CDH8: variants seen among roughly 807,000 people sequenced by gnomAD.
CDH8 encodes the protein cadherin 8.
CDH8 carries 17 observed loss-of-function variants against 68.1 expected under a neutral mutation model. The observed-to-expected ratio is 0.25, with a 90% CI of 0.17 to 0.37. The LOEUF (loss-of-function observed/expected upper bound fraction) is 0.37. CDH8 is among the 10% of genes least tolerant of loss of function. The probability of loss-of-function intolerance (pLI) is 1.00; values close to 1 mark genes in which losing one functional copy is unlikely to be tolerated. For synonymous variants in CDH8, 372 were observed against 365.1 expected, an observed-to-expected ratio of 1.02 and a Z score of -0.21; for missense variants, 763 against 999.3, an observed-to-expected ratio of 0.76 and a Z score of 3.19.
At chr16:61,753,254 A>G (rs1475505028) in intron 8 of CDH8, among the ~76,000 whole-genome samples, 1 of 101,576 alleles carries the variant, frequency 9.8e-6, no homozygotes, top group Admixed American at 9.2e-5. Context: ...TTTTTTTTTT[A>G]ATTGAGATAT....
At chr16:61,813,018 G>T (rs1053809091) in intron 7 of CDH8, among the ~76,000 whole-genome samples, 1 of 152,078 alleles carries the variant, frequency 6.6e-6, no homozygotes, top group Non-Finnish European at 1.5e-5. Flanking sequence ...AAATAACATT[G>T]TTTTCTCCTT....
chr16:61,719,037 T>C (rs1358258788), intron 9 of CDH8, among the ~76,000 whole-genome samples: 8 of 151,276 alleles, frequency 5.3e-5, no homozygotes, highest in Admixed American at 5.3e-4. Context: ...TCAAAATATA[T>C]TGTCTGGATA....
chr16:61,822,559 C>G (rs1453191155), intron 5 of CDH8, among the ~76,000 whole-genome samples: 1 of 151,772 alleles, frequency 6.6e-6, no homozygotes, highest in Non-Finnish European at 1.5e-5. Context: ...TCTTCTAGCA[C>G]TAACACCCCT....
rs776170576 is a variant in CDH8 at position 62,021,334 on chromosome 16, G to A, written c.70C>T (p.Pro24Ser). 44 of 1,613,882 alleles carry A rather than the reference G, an allele frequency of 2.7e-5. No individual in the cohort carries two copies. Among genetic ancestry groups the A allele is most frequent in the Non-Finnish European group, 3.4e-5 (40 of 1,179,930 alleles). The change falls in exon 2 of 12, where the codon CCC becomes TCC. Residue 24 changes from proline to serine, a missense_variant. This residue lies in a region of CDH8 where 366 missense variants were observed against 563.1 expected (regional missense o/e 0.65). Coordinates refer to ENST00000577390, the MANE Select transcript of CDH8 (RefSeq NM_001796.5). ...ATCGGAGCCATGTAAATGCAAGGGG[G>A]AAGAGTAATCCATAATATTATTAAT... ...TPLIILWITL[P>S]PCIYMAPMNQ...
At chr16:61,744,436 T>C (rs1959961556) in intron 8 of CDH8, among the ~76,000 whole-genome samples, 1 of 152,102 alleles carries the variant, frequency 6.6e-6, no homozygotes, top group Non-Finnish European at 1.5e-5. Context: ...TCAGATCTTG[T>C]TTCAATCATC....
intron 2 of CDH8, among the ~76,000 whole-genome samples, chr16:61,919,043 C>G (rs1964310578): frequency 6.8e-6 from 1 of 147,180 alleles, no homozygotes; most frequent in Non-Finnish European, 1.5e-5. Flanking sequence ...AGGCACCCCC[C>G]AGCAGGGGCA....
chr16:61,862,171 T>C (rs1195658663), intron 3 of CDH8, among the ~76,000 whole-genome samples: 4 of 148,456 alleles, frequency 2.7e-5, no homozygotes, highest in African/African-American at 9.9e-5. Context: ...ACACACACAG[T>C]ATCTCATTAT....
intron 2 of CDH8, among the ~76,000 whole-genome samples, chr16:62,006,967 G>A (rs983967358): frequency 2.0e-5 from 3 of 151,246 alleles, no homozygotes; most frequent in African/African-American, 7.3e-5. Flanking sequence ...GAGTACAGTG[G>A]CACAATCTTG....
chr16:61,662,280 G>T (rs1963582501), intron 10 of CDH8, among the ~76,000 whole-genome samples: 1 of 151,326 alleles, frequency 6.6e-6, no homozygotes, highest in Non-Finnish European at 1.5e-5. Context: ...TCATCTTCTT[G>T]TCTCTGAATC....
At chr16:62,015,864 C>T (rs1402031399) in intron 2 of CDH8, among the ~76,000 whole-genome samples, 1 of 152,090 alleles carries the variant, frequency 6.6e-6, no homozygotes, top group Non-Finnish European at 1.5e-5. Context: ...CTCACCAGAA[C>T]CAACCATGCT....
intron 8 of CDH8, among the ~76,000 whole-genome samples, chr16:61,759,743 T>C (rs1226199131): frequency 2.6e-5 from 4 of 152,170 alleles, no homozygotes; most frequent in Non-Finnish European, 2.9e-5. Context: ...GTGTTTTTAG[T>C]AGGAATGCAA....
intron 9 of CDH8, among the ~76,000 whole-genome samples, chr16:61,719,668 T>C (rs1360168760): frequency 1.3e-5 from 2 of 150,994 alleles, no homozygotes; most frequent in East Asian, 1.9e-4. Context: ...TTCTTTACCA[T>C]GACTCTATTG....
chr16:61,782,986 A>G (rs1235235986), intron 8 of CDH8, among the ~76,000 whole-genome samples: 1 of 151,204 alleles, frequency 6.6e-6, no homozygotes, highest in Non-Finnish European at 1.5e-5. Flanking sequence ...AAAGATGGGG[A>G]AAAAACAGAA....
chr16:61,910,485 G>C (rs1481070158), intron 2 of CDH8, among the ~76,000 whole-genome samples: 2 of 152,072 alleles, frequency 1.3e-5, no homozygotes, highest in Non-Finnish European at 2.9e-5. Flanking sequence ...AAAGTGTTCA[G>C]ACTGTGGGAT....
chr16:61,718,580 A>G (rs1434256174), intron 9 of CDH8, among the ~76,000 whole-genome samples: 1 of 151,344 alleles, frequency 6.6e-6, no homozygotes, highest in South Asian at 2.1e-4. Flanking sequence ...TTGGCTTTCT[A>G]TTAATTCTAT....
rs188565798 is a variant in CDH8, at chr16:61,974,465, A to C, written c.252+46687T>G. Among the ~76,000 whole-genome samples the C allele has an allele frequency of 3.8e-3, 575 of 152,280 alleles. 5 individuals are homozygous for C. The highest frequency in any genetic ancestry group is 0.013 in the African/African-American group (551 of 41,560). The stretch of plus-strand genomic sequence containing the variant: ...CACTAATGTAAGCAGGGATGCAATG[A>C]GTGCCATGAAATCCAAGACATCCAG... On this transcript the variant is annotated intron_variant, in intron 2 of 11. Coordinates refer to ENST00000577390, the MANE Select transcript of CDH8 (RefSeq NM_001796.5).
At chr16:61,776,396 C>A (rs2142991240) in intron 8 of CDH8, among the ~76,000 whole-genome samples, 1 of 151,916 alleles carries the variant, frequency 6.6e-6, no homozygotes, top group East Asian at 2.0e-4. Context: ...ATGTCCTTAA[C>A]TAATAACCTC....
chr16:61,957,345 GC>G (rs1965004124), intron 2 of CDH8, among the ~76,000 whole-genome samples: 1 of 152,128 alleles, frequency 6.6e-6, no homozygotes, highest in African/African-American at 2.4e-5. Flanking sequence ...CTTCAAGGAA[GC>G]CAGAAAGAAT....
intron 4 of CDH8, among the ~76,000 whole-genome samples, chr16:61,843,444 T>C (rs72798748): frequency 6.6e-6 from 1 of 152,068 alleles, no homozygotes; most frequent in East Asian, 1.9e-4. Flanking sequence ...TCCTTAGATA[T>C]AAAGAAATGG....
Sources: gnomAD v4.1 joint callset for allele counts (sites outside exome capture counted in the v4.1 genomes callset) on GRCh38, gnomAD v4.1.1 for gene constraint, gnomAD v4.1.1 regional missense constraint, MANE v1.5 for transcripts, NCBI Gene and HGNC (gene_info 2026-07-23, HGNC 2026-07-21) for gene names.